Variants in IL32 observed in about 807,000 individuals in gnomAD.
IL32 encodes interleukin 32.
A neutral mutation model predicts 16.6 loss-of-function variants in IL32; 30 were observed. That is an observed-to-expected ratio of 1.81 (90% CI 1.35 to 2.45). IL32 has a LOEUF of 2.45. Ranked by LOEUF, IL32 falls within the 30% of genes most tolerant of loss-of-function variation. IL32 has a pLI of 0.00. For synonymous variants in IL32, 70 were observed against 86.1 expected (o/e 0.81, Z 1.03); for missense variants, 234 against 229.8 (o/e 1.02, Z -0.12).
At chr16:3,068,305 T>C in intron 6 of IL32, 66 bp downstream of exon 6, 1 of 1,404,914 alleles carries the variant, frequency 7.1e-7, no homozygotes, top group Non-Finnish European at 9.9e-7. Flanking sequence ...TTTCTTTCTT[T>C]CTTTCTTTTT....
intron 4 of IL32, 103 bp from the exon 5 acceptor site, chr16:3,067,881 G>C (rs908760165): frequency 2.7e-5 from 37 of 1,394,808 alleles, no homozygotes; most frequent in African/African-American, 5.7e-5. Flanking sequence ...GCTGGGCCCA[G>C]TTCGGGGTGT....
At chr16:3,066,541 C>T (rs983557913) in intron 2 of IL32, among the ~76,000 whole-genome samples, 2 of 152,116 alleles carry the variant, frequency 1.3e-5, no homozygotes, top group African/African-American at 4.8e-5. Flanking sequence ...CATGTCACCC[C>T]CGAGACTAGG....
In IL32 at chr16:3,069,372, T is replaced by G; in HGVS notation, c.*17T>G. On this transcript the variant is annotated 3_prime_UTR_variant, in exon 7 of 7. Transcript: ENST00000525643. ...TCAAAATGAAGATACTGACACCACC[T>G]TTGCCCTCCCCGTCACCGCGCACCC... The G allele has an allele frequency of 6.4e-7, 1 of 1,566,718 alleles. No individual in the cohort carries two copies.
At chr16:3,065,946 G>T in intron 2 of IL32, 120 bp downstream of exon 2, 1 of 1,201,492 alleles carries the variant, frequency 8.3e-7, no homozygotes, top group South Asian at 1.2e-5. Flanking sequence ...GGCACCCAGC[G>T]GCAGGAGGAT....
intron 5 of IL32, 55 bp from the exon 6 acceptor site, chr16:3,068,125 G>A: frequency 6.2e-7 from 1 of 1,604,314 alleles, no homozygotes; most frequent in Non-Finnish European, 8.5e-7. Context: ...GGGGGCCACA[G>A]TGGGAAGGGG....
At position 3,067,607 on chromosome 16, in the gene IL32, T is replaced by C. The variant is rs1163752416; in HGVS notation, c.108T>C (p.Arg36=). Residue 36 remains arginine (R), a synonymous_variant, in exon 4 of 7, where the codon CGT becomes CGC. Coordinates refer to ENST00000525643, the MANE Select transcript of IL32 (RefSeq NM_001376923.1). Reference sequence around the variant, plus strand: ...AAATGCAAAATGCAGAATCAGGACGTGGACAGGTGGGTGGATTTCCCCTCA... The same window carrying C: ...AAATGCAAAATGCAGAATCAGGACGCGGACAGGTGGGTGGATTTCCCCTCA... ...YDKMQNAESG[R]GQVMSSLAEL... The C allele has an allele frequency of 1.2e-6, 2 of 1,610,640 alleles. No individual in the cohort carries two copies. The highest frequency in any genetic ancestry group is 1.3e-5 in the African/African-American group (1 of 74,794).
chr16:3,067,848 G>A (rs1416706727), intron 4 of IL32, 136 bp from the exon 5 acceptor site: 11 of 1,045,946 alleles, frequency 1.1e-5, no homozygotes, highest in Non-Finnish European at 1.6e-5. Context: ...CAACAGGGGT[G>A]CCAGACGTGG....
chr16:3,065,710 G>C, intron 1 of IL32, 23 bp downstream of exon 1: 1 of 1,379,658 alleles, frequency 7.2e-7, no homozygotes, highest in South Asian at 1.2e-5. Context: ...GGTCCCCGAA[G>C]GTGAGGACCC....
chr16:3,069,286 C>T lies in IL32; in HGVS notation c.498C>T (p.Tyr166=), dbSNP rs148189652. 1.0e-4 allele frequency: 168 copies of T among 1,614,142 alleles called. 1 individual carries two copies. Among genetic ancestry groups the T allele is most frequent in the South Asian group, 8.6e-4 (78 of 91,090 alleles). Residue 166 remains tyrosine, a synonymous_variant, in exon 7 of 7, where the codon TAC becomes TAT. Transcript: ENST00000525643. ...SELFMSSFQS[Y]GAPRGDKEEL... ...TCTTCATGTCCTCTTTCCAGTCCTA[C>T]GGAGCCCCACGGGGGGACAAGGAGG... is the stretch of plus-strand genomic sequence containing the variant.
intron 2 of IL32, among the ~76,000 whole-genome samples, chr16:3,066,285 C>T (rs771754720): frequency 4.6e-5 from 7 of 152,316 alleles, no homozygotes; most frequent in Middle Eastern, 3.4e-3. Context: ...GGGAGCTCTT[C>T]GGCCTGTGAC....
rs141094270 is a variant in IL32 at position 3,067,643 on chromosome 16, C to T, written c.114+30C>T. ...GTGGATTTCCCCTCAGGCACCAGGTCACATGTCCCCGCCCCCAGGCACTCC... is the reference window on the plus strand; with the variant it reads ...GTGGATTTCCCCTCAGGCACCAGGTTACATGTCCCCGCCCCCAGGCACTCC... On this transcript the variant is annotated intron_variant, in intron 4 of 6. Coordinates refer to ENST00000525643, the MANE Select transcript of IL32 (RefSeq NM_001376923.1). 2.0e-4 allele frequency: 303 copies of T among 1,508,006 alleles called. 1 individual carries two copies. The highest frequency in any genetic ancestry group is 1.3e-4 in the Admixed American group (8 of 59,738). The allele number at this position is 1,508,006 out of a possible 1,614,324, so 93.4% of individuals were successfully genotyped here. A position where few individuals can be genotyped will look rare whatever the true frequency, so the allele number is the denominator to read the frequency against.
Position 3,067,272 on chromosome 16 carries a change from T to TGTGTGTGTGTG in IL32, c.16-104_16-94dup, listed in dbSNP as rs1956462252. ...ATCCTGTACCTCTGCCATGTGTCTCTGTGTGTGTGTGTGTGTGTGTGTGTG... is the reference window on the plus strand; with the variant it reads ...ATCCTGTACCTCTGCCATGTGTCTCTGTGTGTGTGTGGTGTGTGTGTGTGTGTGTGTGTGTG... On this transcript the variant is annotated intron_variant, in intron 2 of 6. Transcript: ENST00000525643. 7.1e-5 allele frequency: 7 copies of TGTGTGTGTGTG among 98,764 alleles called. No homozygotes were observed. In the South Asian group the frequency reaches 9.1e-4, roughly 13 times the overall value. The allele number at this position is 98,764 out of a possible 1,614,324, so 6.1% of individuals were successfully genotyped here.
In IL32 at chr16:3,068,244, G is replaced by C. The variant is rs78516090; in HGVS notation, c.201+5G>C. 234 of 1,590,320 alleles carry C rather than the reference G, an allele frequency of 1.5e-4. No individual in the cohort carries two copies. The East Asian group carries it at 4.9e-3, about 33-fold the overall frequency. On this transcript the variant is annotated splice_donor_5th_base_variant and intron_variant, in intron 6 of 6. Coordinates refer to ENST00000525643, the MANE Select transcript of IL32 (RefSeq NM_001376923.1). ...TATTATGAGGAGCAGCACCCAGTGA[G>C]TATGACACACCCATCTGGGCACCTT...
At position 3,066,792 on chromosome 16, in the gene IL32, A is replaced by G. The variant is rs555109614; in HGVS notation, c.16-585A>G. Among the ~76,000 whole-genome samples the G allele has an allele frequency of 7.3e-4, 111 of 151,110 alleles. 1 individual carries two copies. Among genetic ancestry groups the G allele is most frequent in the African/African-American group, 2.5e-3 (104 of 41,030 alleles). ...TCCCTAAACATTTTTTCCTTGGCCA[A>G]CTCTCACCTGGGACCATAGTGGTTG... is the stretch of plus-strand genomic sequence containing the variant. On this transcript the variant is annotated intron_variant, in intron 2 of 6. Transcript: ENST00000525643.
At chr16:3,067,780 A>T (rs1288029027) in intron 4 of IL32, 167 bp downstream of exon 4, 12 of 805,764 alleles carry the variant, frequency 1.5e-5, no homozygotes, top group Non-Finnish European at 2.4e-5. Flanking sequence ...CGGGTGGGGG[A>T]TCTGGACGCC....
Position 3,067,555 on chromosome 16 carries a change from A to G in IL32, c.56A>G (p.His19Arg), listed in dbSNP as rs747102738. ...DDMKKLKARM[H>R]QAIERFYDKM... Reference sequence around the variant, plus strand: ...TGCCAACTCTGCCTCTCTTCACAGCACCAGGCCATAGAAAGATTTTATGAT... The same window carrying G: ...TGCCAACTCTGCCTCTCTTCACAGCGCCAGGCCATAGAAAGATTTTATGAT... The change falls in exon 4 of 7, where the codon CAC becomes CGC. Residue 19 changes from histidine (H) to arginine (R), a missense_variant and splice_region_variant. His to Arg is a conservative substitution (Grantham distance 29). Coordinates refer to ENST00000525643, the MANE Select transcript of IL32 (RefSeq NM_001376923.1). The G allele has an allele frequency of 2.5e-6, 4 of 1,614,032 alleles. No homozygotes were observed. In the South Asian group the frequency reaches 3.3e-5, roughly 13 times the overall value.
intron 2 of IL32, 80 bp from the exon 3 acceptor site, chr16:3,067,271 CTGTGTGTGTGTGTGTGTGTGTGTGTG>C: frequency 3.3e-6 from 2 of 602,164 alleles, no homozygotes; most frequent in South Asian, 2.1e-5. Context: ...CCATGTGTCT[CTGTGTGTGTGTGTGTGTGTGTGTGTG>C]TGTGTGTGTG....
At chr16:3,066,013 T>C (rs1645782621) in intron 2 of IL32, among the ~76,000 whole-genome samples, 187 bp downstream of exon 2, 1 of 151,738 alleles carries the variant, frequency 6.6e-6, no homozygotes, top group South Asian at 2.1e-4. Context: ...TCGGGGGCGC[T>C]GGAGAACGGC....
chr16:3,069,529 C>T lies in IL32; in HGVS notation c.*174C>T, dbSNP rs985429330. 2.5e-5 allele frequency: 20 copies of T among 786,930 alleles called. No individual in the cohort carries two copies. Among genetic ancestry groups the T allele is most frequent in the Non-Finnish European group, 3.7e-5 (19 of 507,396 alleles). 48.7% of individuals were successfully genotyped at this position (786,930 alleles called of 1,614,324 possible). On this transcript the variant is annotated 3_prime_UTR_variant, in exon 7 of 7. Transcript: ENST00000525643. ...ATCTTAATAAAACCTGCTTATACTT[C>T]CCTGGCAGGGGAGATACCATGATCG...
Sources: gnomAD v4.1 joint callset for allele counts (sites outside exome capture counted in the v4.1 genomes callset) on GRCh38, gnomAD v4.1.1 for gene constraint, MANE v1.5 for transcripts, NCBI Gene and HGNC (gene_info 2026-07-23, HGNC 2026-07-21) for gene names.